INTS8: variants seen among roughly 807,000 people sequenced by gnomAD.
INTS8 encodes integrator complex subunit 8.
INTS8 carries 47 observed loss-of-function variants against 138.9 expected under a neutral mutation model. The observed-to-expected ratio is 0.34, with a 90% CI of 0.27 to 0.43. The LOEUF (loss-of-function observed/expected upper bound fraction) is 0.43, where lower values mean the gene tolerates loss of function less well. Among genes scored for constraint, INTS8 ranks in the 20% least tolerant of loss-of-function variants. The pLI is 1.00. For missense variants in INTS8, 996 were observed against 1,173.0 expected (o/e 0.85, Z 2.20); for synonymous variants, 392 against 400.9 (o/e 0.98, Z 0.27).
In INTS8 at chr8:94,848,433, TC is replaced by T. The variant is rs148396200; in HGVS notation, c.1261-1027del. ...AGAGTTGTGCAGCTATCACTTCACT[TC>T]CTTTTTTCACTCCAAAAAGATAATC... On this transcript the variant is annotated intron_variant, in intron 10 of 26. Coordinates refer to ENST00000523731, the MANE Select transcript of INTS8 (RefSeq NM_017864.4). Among the ~76,000 whole-genome samples, 509 of 152,306 alleles carry T rather than the reference TC, an allele frequency of 3.3e-3. 5 individuals are homozygous for T. The East Asian group carries it at 0.045, about 13-fold the overall frequency.
intron 14 of INTS8, 77 bp from the exon 15 acceptor site, chr8:94,856,700 T>C (rs1332884706): frequency 3.5e-6 from 4 of 1,148,248 alleles, no homozygotes; most frequent in Non-Finnish European, 5.2e-6. Context: ...TTCTCCTCTT[T>C]GCTCTGTCAA....
chr8:94,824,785 C>CT, intron 1 of INTS8, 108 bp from the exon 2 acceptor site: 1 of 10,088 alleles, frequency 9.9e-5, no homozygotes, highest in Admixed American at 1.0e-3. Context: ...AACCCAAACT[C>CT]CCCCCCCCCC....
intron 10 of INTS8, among the ~76,000 whole-genome samples, chr8:94,848,419 G>T (rs1331767853): frequency 2.0e-5 from 3 of 152,130 alleles, no homozygotes. Flanking sequence ...GAGTTGTGCA[G>T]CTATCACTTC....
At chr8:94,857,071 C>CTTTT (rs376956021) in intron 15 of INTS8, 93 bp downstream of exon 15, 30 of 546,806 alleles carry the variant, frequency 5.5e-5, no homozygotes, top group South Asian at 1.1e-4. Context: ...AGTTTGTAAT[C>CTTTT]TTTTTTTTTT....
At chr8:94,837,595 A>G (rs147950942) in intron 7 of INTS8, among the ~76,000 whole-genome samples, 9 of 151,938 alleles carry the variant, frequency 5.9e-5, no homozygotes, top group Middle Eastern at 3.4e-3. Flanking sequence ...AAGCATTTCT[A>G]TTCTTTCCAA....
At position 94,832,889 on chromosome 8, in the gene INTS8, C is replaced by T. The variant is rs966003223; in HGVS notation, c.753+715C>T. Among the ~76,000 whole-genome samples the T allele has an allele frequency of 2.0e-5, 3 of 152,164 alleles. 1 individual carries two copies. Among genetic ancestry groups the T allele is most frequent in the African/African-American group, 2.4e-5 (1 of 41,532 alleles). On this transcript the variant is annotated intron_variant, in intron 6 of 26. Coordinates refer to ENST00000523731, the MANE Select transcript of INTS8 (RefSeq NM_017864.4). ...CAGCGTGGTCTAGATCTCCTGACCT[C>T]GTGATCCGCCCGCCTCGGTCTCCCA...
Position 94,880,625 on chromosome 8 carries a change from C to A in INTS8, c.*391C>A, listed in dbSNP as rs1340942220. 1 of 370,858 alleles carries A rather than the reference C, an allele frequency of 2.7e-6. No individual in the cohort carries two copies. Among genetic ancestry groups the A allele is most frequent in the Non-Finnish European group, 4.7e-6 (1 of 210,548 alleles). 23.0% of individuals were successfully genotyped at this position (370,858 alleles called of 1,614,324 possible). ...TAGGAGTCAGTATATATTTAATACT[C>A]TTCTTCCTTAAGAAAATAGAAGTTT... is the stretch of plus-strand genomic sequence containing the variant. On this transcript the variant is annotated 3_prime_UTR_variant, in exon 27 of 27. Coordinates refer to ENST00000523731, the MANE Select transcript of INTS8 (RefSeq NM_017864.4).
intron 16 of INTS8, chr8:94,860,111 T>C (rs1225198521): frequency 6.5e-6 from 1 of 153,782 alleles, no homozygotes; most frequent in Non-Finnish European, 1.4e-5. Context: ...TGGCACTAAG[T>C]TATTTTGTTG....
intron 26 of INTS8, among the ~76,000 whole-genome samples, chr8:94,878,254 A>G (rs138791240): frequency 1.6e-3 from 242 of 152,238 alleles, no homozygotes; most frequent in African/African-American, 5.5e-3. Flanking sequence ...AGTGGTCCAC[A>G]TTCTCTTCGT....
At chr8:94,842,762 A>G (rs1815182101) in intron 10 of INTS8, among the ~76,000 whole-genome samples, 1 of 152,150 alleles carries the variant, frequency 6.6e-6, no homozygotes, top group African/African-American at 2.4e-5. Flanking sequence ...TGTTCATAGA[A>G]CTTTTGTCCT....
intron 14 of INTS8, among the ~76,000 whole-genome samples, chr8:94,854,415 G>T (rs1268946135): frequency 6.6e-6 from 1 of 152,094 alleles, no homozygotes. Context: ...ATACTGCTCT[G>T]TGCCTTTTTA....
chr8:94,838,402 G>A, intron 7 of INTS8, 61 bp from the exon 8 acceptor site: 1 of 1,351,818 alleles, frequency 7.4e-7, no homozygotes, highest in South Asian at 1.3e-5. Flanking sequence ...ATGCTAAGGG[G>A]GTGCTAGACT....
At chr8:94,866,242 T>C (rs1386694493) in intron 18 of INTS8, 51 bp downstream of exon 18, 1 of 945,544 alleles carries the variant, frequency 1.1e-6, no homozygotes, top group African/African-American at 1.6e-5. Flanking sequence ...TTTTGTAGAA[T>C]ATGACTAAAA....
At chr8:94,846,733 A>G (rs921253508) in intron 10 of INTS8, among the ~76,000 whole-genome samples, 5 of 152,218 alleles carry the variant, frequency 3.3e-5, no homozygotes, top group Non-Finnish European at 5.9e-5. Context: ...TCTTGTTGCT[A>G]TTCCTTATCT....
intron 14 of INTS8, among the ~76,000 whole-genome samples, chr8:94,855,393 A>ATC (rs138526718): frequency 0.036 from 5,509 of 152,262 alleles, 107 homozygotes; most frequent in African/African-American, 0.044. Flanking sequence ...TACTTATAGA[A>ATC]TCTCAACTTG....
At chr8:94,833,557 G>A (rs1051463079) in intron 6 of INTS8, among the ~76,000 whole-genome samples, 3 of 151,992 alleles carry the variant, frequency 2.0e-5, no homozygotes, top group African/African-American at 7.3e-5. Context: ...TTACTGGTAT[G>A]TAGTATCTCA....
chr8:94,849,033 T>C (rs2131028480), intron 10 of INTS8, among the ~76,000 whole-genome samples: 1 of 152,262 alleles, frequency 6.6e-6, no homozygotes, highest in South Asian at 2.1e-4. Flanking sequence ...AGCTCATGAA[T>C]ATAGAACCAT....
chr8:94,827,148 C>T (rs1001886714), intron 2 of INTS8, 115 bp from the exon 3 acceptor site: 10 of 904,132 alleles, frequency 1.1e-5, no homozygotes, highest in South Asian at 9.4e-5. Context: ...TAGCTAAACC[C>T]AGAGATGTGG....
intron 5 of INTS8, 75 bp downstream of exon 5, chr8:94,829,101 C>A: frequency 9.0e-7 from 1 of 1,109,912 alleles, no homozygotes; most frequent in African/African-American, 1.6e-5. Context: ...CTTTTTGGCA[C>A]CAGGGACTGG....
Sources: gnomAD v4.1 joint callset for allele counts (sites outside exome capture counted in the v4.1 genomes callset) on GRCh38, gnomAD v4.1.1 for gene constraint, MANE v1.5 for transcripts, NCBI Gene and HGNC (gene_info 2026-07-23, HGNC 2026-07-21) for gene names.